Variants in KCNT2 observed in about 807,000 individuals in gnomAD.
KCNT2 encodes potassium sodium-activated channel subfamily T member 2.
In KCNT2, 67 loss-of-function variants were observed where a neutral mutation model predicts 153.8. The observed-to-expected ratio is 0.44, with a 90% confidence interval of 0.36 to 0.53. KCNT2 has a LOEUF of 0.53. KCNT2 is among the 20% of genes least tolerant of loss of function. The pLI is 0.00. For missense variants in KCNT2, 975 were observed against 1,354.8 expected (o/e 0.72, Z 4.40); for synonymous variants, 500 against 458.8 (o/e 1.09, Z -1.15).
intron 13 of KCNT2, among the ~76,000 whole-genome samples, chr1:196,386,757 A>G (rs114414295): frequency 1.6e-3 from 240 of 152,212 alleles, no homozygotes; most frequent in African/African-American, 5.1e-3. Context: ...CTCAAGAAGG[A>G]TTTAGCTATT....
At position 196,370,005 on chromosome 1, in the gene KCNT2, C is replaced by G. The variant is rs1026929196; in HGVS notation, c.1403+3135G>C. Among the ~76,000 whole-genome samples the G allele has an allele frequency of 9.4e-4, 142 of 151,840 alleles. 2 individuals carry two copies. Among genetic ancestry groups the G allele is most frequent in the Non-Finnish European group, 2.1e-4 (14 of 67,946 alleles). On this transcript the variant is annotated intron_variant, in intron 14 of 27. Transcript: ENST00000294725. Reference sequence around the variant, plus strand: ...CACTGGCCATCAGAGAAATGCAAATCAAAACCACAATGAGATACCATCTCA... The same window carrying G: ...CACTGGCCATCAGAGAAATGCAAATGAAAACCACAATGAGATACCATCTCA...
chr1:196,391,188 G>A (rs1244700426), intron 13 of KCNT2, among the ~76,000 whole-genome samples: 8 of 151,262 alleles, frequency 5.3e-5, no homozygotes, highest in Admixed American at 2.6e-4. Context: ...GTATATAAAA[G>A]TGCATTGACT....
At chr1:196,475,420 C>G (rs1005221533) in intron 5 of KCNT2, among the ~76,000 whole-genome samples, 1 of 152,048 alleles carries the variant, frequency 6.6e-6, no homozygotes, top group Non-Finnish European at 1.5e-5. Context: ...GAGTTCCAAA[C>G]CAGCCTAAGC....
chr1:196,274,813 T>A (rs966930558), intron 25 of KCNT2, among the ~76,000 whole-genome samples: 1 of 151,844 alleles, frequency 6.6e-6, no homozygotes, highest in Non-Finnish European at 1.5e-5. Flanking sequence ...GTTCACTGGT[T>A]ATAGTATACT....
At chr1:196,592,925 A>G (rs1049803382) in intron 1 of KCNT2, among the ~76,000 whole-genome samples, 1 of 150,444 alleles carries the variant, frequency 6.6e-6, no homozygotes, top group Non-Finnish European at 1.5e-5. Context: ...ATTTAATAAA[A>G]TAATTTTTTA....
At chr1:196,459,292 T>C (rs562148466) in intron 8 of KCNT2, among the ~76,000 whole-genome samples, 1 of 151,736 alleles carries the variant, frequency 6.6e-6, no homozygotes, top group African/African-American at 2.4e-5. Context: ...CCCTATCCTG[T>C]GCCCTAATGT....
At chr1:196,323,636 G>T (rs1663552155) in intron 19 of KCNT2, among the ~76,000 whole-genome samples, 2 of 151,840 alleles carry the variant, frequency 1.3e-5, no homozygotes, top group Admixed American at 6.6e-5. Context: ...GGCATATTAT[G>T]TGTATGAATA....
At chr1:196,320,726 A>T (rs1335256918) in intron 19 of KCNT2, among the ~76,000 whole-genome samples, 1 of 151,406 alleles carries the variant, frequency 6.6e-6, no homozygotes, top group African/African-American at 2.4e-5. Context: ...AAAAAAAAAA[A>T]CTTGTAAAGA....
chr1:196,335,048 T>A (rs1664883100), intron 16 of KCNT2, among the ~76,000 whole-genome samples: 2 of 152,114 alleles, frequency 1.3e-5, no homozygotes, highest in South Asian at 4.1e-4. Flanking sequence ...TTTATTGAAA[T>A]GTAAAAATTA....
intron 25 of KCNT2, among the ~76,000 whole-genome samples, chr1:196,265,228 T>C (rs1311002148): frequency 6.6e-6 from 1 of 152,188 alleles, no homozygotes; most frequent in East Asian, 1.9e-4. Flanking sequence ...TCTCTTCTTA[T>C]GTTTTGCCTT....
chr1:196,535,716 T>G (rs1212228668), intron 1 of KCNT2, among the ~76,000 whole-genome samples: 1 of 152,184 alleles, frequency 6.6e-6, no homozygotes, highest in Non-Finnish European at 1.5e-5. Flanking sequence ...CAGCTTTTTC[T>G]CTCTGAGCAT....
chr1:196,608,336 A>C lies in KCNT2; in HGVS notation c.-27T>G, dbSNP rs1248598858. ...CTTCCTCAAAGAGTGGGAAACATCA[A>C]ACAACAAATGGAGGAGAGGAGGGAG... On this transcript the variant is annotated 5_prime_UTR_variant, in exon 1 of 28. Coordinates refer to ENST00000294725, the MANE Select transcript of KCNT2 (RefSeq NM_198503.5). 1 of 1,554,936 alleles carries C rather than the reference A, an allele frequency of 6.4e-7. No homozygotes were observed. The highest frequency in any genetic ancestry group is 1.7e-5 in the Admixed American group (1 of 59,914).
At chr1:196,253,237 G>A (rs192348550) in intron 26 of KCNT2, among the ~76,000 whole-genome samples, 96 of 151,228 alleles carry the variant, frequency 6.3e-4, no homozygotes, top group South Asian at 3.8e-3. Context: ...TGTGTTCTTC[G>A]AAGTTTTATT....
At chr1:196,414,512 T>A (rs1024366658) in intron 12 of KCNT2, among the ~76,000 whole-genome samples, 7 of 151,896 alleles carry the variant, frequency 4.6e-5, no homozygotes, top group Non-Finnish European at 8.8e-5. Flanking sequence ...CAAGATTCCA[T>A]GTAATTGACC....
chr1:196,487,442 G>GTGTGTGTA (rs1255873826), intron 3 of KCNT2, among the ~76,000 whole-genome samples: 1 of 141,926 alleles, frequency 7.0e-6, no homozygotes, highest in Non-Finnish European at 1.6e-5. Context: ...GTGTATGTAT[G>GTGTGTGTA]TGTCTGTGTC....
intron 22 of KCNT2, among the ~76,000 whole-genome samples, chr1:196,295,178 C>G (rs897533383): frequency 6.6e-6 from 1 of 151,324 alleles, no homozygotes; most frequent in Non-Finnish European, 1.5e-5. Flanking sequence ...AAATGTCACA[C>G]TGTACCCAAT....
At chr1:196,532,958 C>T (rs1037907484) in intron 1 of KCNT2, among the ~76,000 whole-genome samples, 2 of 151,968 alleles carry the variant, frequency 1.3e-5, no homozygotes, top group African/African-American at 4.8e-5. Context: ...AAAATGTACC[C>T]CTTCTAAAGA....
At chr1:196,279,302 TC>T (rs1248641649) in intron 25 of KCNT2, among the ~76,000 whole-genome samples, 1 of 152,188 alleles carries the variant, frequency 6.6e-6, no homozygotes, top group Non-Finnish European at 1.5e-5. Flanking sequence ...GTTTTTCCAG[TC>T]AGTCATTCCT....
intron 1 of KCNT2, among the ~76,000 whole-genome samples, chr1:196,547,683 C>T (rs1657290002): frequency 2.0e-5 from 3 of 151,982 alleles, no homozygotes; most frequent in Admixed American, 1.3e-4. Context: ...ATTATATCTA[C>T]ATATAAATGT....
Sources: gnomAD v4.1 joint callset for allele counts (sites outside exome capture counted in the v4.1 genomes callset) on GRCh38, gnomAD v4.1.1 for gene constraint, MANE v1.5 for transcripts, NCBI Gene and HGNC (gene_info 2026-07-23, HGNC 2026-07-21) for gene names.